SCARA3: variants seen among roughly 807,000 people sequenced by gnomAD.
SCARA3 encodes the protein cellular stress response gene protein.
A neutral mutation model predicts 47.0 loss-of-function variants in SCARA3; 39 were observed. The ratio of observed to expected loss-of-function variants is 0.83; its 90% CI spans 0.64 to 1.08. The LOEUF is 1.08. Among genes scored for constraint, SCARA3 ranks in the 50% least tolerant of loss-of-function variants. The pLI is 0.00. For missense variants in SCARA3, 724 were observed against 792.3 expected (o/e 0.91, Z 1.04); for synonymous variants, 356 against 334.1 (o/e 1.07, Z -0.71).
chr8:27,704,325 A>G, the SCARA3 span, among the ~76,000 whole-genome samples: 2 of 152,206 alleles, frequency 1.3e-5, no homozygotes, highest in Non-Finnish European at 2.9e-5. Context: ...ACGCATCTGT[A>G]GTCTCAGCTA....
downstream of SCARA3, among the ~76,000 whole-genome samples, chr8:27,678,028 G>A (rs1802304614): frequency 6.6e-6 from 1 of 152,182 alleles, no homozygotes; most frequent in Non-Finnish European, 1.5e-5. Flanking sequence ...TATGAAATTT[G>A]TGTGATACCG....
chr8:27,710,573 C>T, the SCARA3 span, among the ~76,000 whole-genome samples: 1 of 152,186 alleles, frequency 6.6e-6, no homozygotes, highest in Non-Finnish European at 1.5e-5. Flanking sequence ...TCAACTGCCT[C>T]ATTGCCACTC....
At chr8:27,635,339 C>T (rs1217893503) in intron 1 of SCARA3, among the ~76,000 whole-genome samples, 1 of 152,160 alleles carries the variant, frequency 6.6e-6, no homozygotes, top group African/African-American at 2.4e-5. Context: ...AACTGAGGCC[C>T]AAGCAGGTAG....
At chr8:27,659,985 T>A (rs1425134821) in intron 5 of SCARA3, among the ~76,000 whole-genome samples, 1 of 152,060 alleles carries the variant, frequency 6.6e-6, no homozygotes, top group East Asian at 1.9e-4. Flanking sequence ...GATTTTTGTA[T>A]TTAGATTTAT....
chr8:27,660,842 C>CTAGCTAGATAGA (rs1318777226), intron 5 of SCARA3, among the ~76,000 whole-genome samples: 76 of 113,872 alleles, frequency 6.7e-4, no homozygotes, highest in African/African-American at 2.2e-3. Flanking sequence ...AGCTAGCTAG[C>CTAGCTAGATAGA]TAGATAGATA....
At chr8:27,731,629 G>A in the SCARA3 span, among the ~76,000 whole-genome samples, 1,020 of 119,074 alleles carry the variant, frequency 8.6e-3, 7 homozygotes, top group African/African-American at 0.031. Flanking sequence ...GCAACAGAGC[G>A]AGACTCTGTC....
chr8:27,691,042 T>C, the SCARA3 span, among the ~76,000 whole-genome samples: 2 of 152,168 alleles, frequency 1.3e-5, no homozygotes, highest in Non-Finnish European at 2.9e-5. Flanking sequence ...AAAAGCCTGG[T>C]AATAGCATCT....
the SCARA3 span, among the ~76,000 whole-genome samples, chr8:27,725,542 A>T: frequency 6.6e-6 from 1 of 151,400 alleles, no homozygotes; most frequent in Admixed American, 6.6e-5. Flanking sequence ...AAAAAAAAAA[A>T]CCAGAATAAT....
chr8:27,666,855 A>G (rs1802027376), intron 5 of SCARA3, among the ~76,000 whole-genome samples: 1 of 151,132 alleles, frequency 6.6e-6, no homozygotes, highest in South Asian at 2.1e-4. Flanking sequence ...CCACAGAGCC[A>G]GCCACTCCAT....
chr8:27,687,777 G>A, the SCARA3 span, among the ~76,000 whole-genome samples: 1 of 152,146 alleles, frequency 6.6e-6, no homozygotes, highest in Non-Finnish European at 1.5e-5. Context: ...AGCACTTTGG[G>A]AGGCCAAGGC....
chr8:27,714,868 T>C, the SCARA3 span, among the ~76,000 whole-genome samples: 1 of 152,202 alleles, frequency 6.6e-6, no homozygotes, highest in Non-Finnish European at 1.5e-5. Flanking sequence ...TTGTATATGT[T>C]ACCTCAGATA....
In SCARA3 at chr8:27,634,016, C is replaced by A. The variant is rs962551515; in HGVS notation, c.-185C>A. On this transcript the variant is annotated 5_prime_UTR_variant, in exon 1 of 6. Transcript: ENST00000301904. ...TTCCCCAGGCTGCGACCCCGCGGGA[C>A]CCTCCACTCCTCCCGCCGCCTCCGC... The A allele has an allele frequency of 3.9e-5, 14 of 359,926 alleles. No homozygotes were observed. The highest frequency in any genetic ancestry group is 2.4e-4 in the African/African-American group (11 of 46,682). 22.3% of individuals were successfully genotyped at this position (359,926 alleles called of 1,614,324 possible). A position where few individuals can be genotyped will look rare whatever the true frequency, so the allele number is the denominator to read the frequency against.
intron 1 of SCARA3, among the ~76,000 whole-genome samples, chr8:27,642,720 A>G (rs1394306645): frequency 1.1e-4 from 17 of 152,218 alleles, no homozygotes; most frequent in Admixed American, 1.1e-3. Flanking sequence ...GCTACTTAGG[A>G]GGCTGAGGTG....
chr8:27,699,869 A>G, the SCARA3 span, among the ~76,000 whole-genome samples: 1 of 152,244 alleles, frequency 6.6e-6, no homozygotes, highest in Admixed American at 6.5e-5. Flanking sequence ...CATATAGATC[A>G]ATTGAACCAC....
the SCARA3 span, among the ~76,000 whole-genome samples, chr8:27,691,669 A>G: frequency 1.3e-4 from 19 of 151,692 alleles, no homozygotes; most frequent in African/African-American, 4.4e-4. Flanking sequence ...CTTCCTCCTG[A>G]CTTCATCCTC....
At chr8:27,694,764 G>A in the SCARA3 span, among the ~76,000 whole-genome samples, 1 of 152,306 alleles carries the variant, frequency 6.6e-6, no homozygotes, top group East Asian at 1.9e-4. Context: ...CAGGGAGGAG[G>A]AATGAAAGTT....
intron 1 of SCARA3, among the ~76,000 whole-genome samples, chr8:27,634,689 C>T (rs1437923854): frequency 3.9e-5 from 6 of 152,148 alleles, no homozygotes; most frequent in South Asian, 4.1e-4. Flanking sequence ...CAGAGCCCCT[C>T]AGCCCAGGCC....
At chr8:27,697,149 T>A in the SCARA3 span, 13 of 191,610 alleles carry the variant, frequency 6.8e-5, no homozygotes, top group Non-Finnish European at 1.3e-4. Flanking sequence ...GTAAAAGGCA[T>A]CCTTTCTTCC....
At chr8:27,667,067 C>T (rs374937146) in intron 5 of SCARA3, among the ~76,000 whole-genome samples, 8 of 152,326 alleles carry the variant, frequency 5.3e-5, no homozygotes, top group East Asian at 3.9e-4. Flanking sequence ...CTCAGAGCAG[C>T]CACTAGCCCT....
Sources: gnomAD v4.1 joint callset for allele counts (sites outside exome capture counted in the v4.1 genomes callset) on GRCh38, gnomAD v4.1.1 for gene constraint, MANE v1.5 for transcripts, NCBI Gene and HGNC (gene_info 2026-07-23, HGNC 2026-07-21) for gene names.